EFTUD2: variants seen among roughly 807,000 people sequenced by gnomAD.
EFTUD2 encodes the protein 116 kDa U5 small nuclear ribonucleoprotein component.
In EFTUD2, 9 loss-of-function variants were observed where a neutral mutation model predicts 114.3. The observed-to-expected ratio is 0.08, with a 90% CI of 0.05 to 0.14. The LOEUF (loss-of-function observed/expected upper bound fraction) is 0.14, where lower values mean the gene tolerates loss of function less well. Ranked by LOEUF, EFTUD2 falls within the 10% of genes least tolerant of loss-of-function variation. The pLI is 1.00. For missense variants in EFTUD2, 765 were observed against 1,241.2 expected (o/e 0.62, Z 5.76); for synonymous variants, 449 against 462.3 (o/e 0.97, Z 0.37).
At chr17:44,857,939 T>TTTTTTTTTA (rs2050586934) in intron 19 of EFTUD2, among the ~76,000 whole-genome samples, 1 of 149,706 alleles carries the variant, frequency 6.7e-6, no homozygotes. Flanking sequence ...TTTTTTTTTT[T>TTTTTTTTTA]GAGACAGAGT....
rs531216462 is a variant in EFTUD2 at position 44,876,690 on chromosome 17, A to C, written c.703-590T>G. ...ACACGGTGAAACCCTGTCTCGACTAAAAATACAAAAAGATGAGCTGGGCGT... is the reference window on the plus strand; with the variant it reads ...ACACGGTGAAACCCTGTCTCGACTACAAATACAAAAAGATGAGCTGGGCGT... On this transcript the variant is annotated intron_variant, in intron 9 of 27. Coordinates refer to ENST00000426333, the MANE Select transcript of EFTUD2 (RefSeq NM_004247.4). Among the ~76,000 whole-genome samples the C allele has an allele frequency of 1.3e-4, 20 of 151,998 alleles. No individual in the cohort carries two copies. The East Asian group carries it at 3.7e-3, about 28-fold the overall frequency.
At chr17:44,890,994 G>C (rs866217736) in intron 2 of EFTUD2, among the ~76,000 whole-genome samples, 1 of 149,668 alleles carries the variant, frequency 6.7e-6, no homozygotes, top group South Asian at 2.1e-4. Flanking sequence ...CTGGTGACAG[G>C]TAACCTTGGT....
At chr17:44,871,803 G>A (rs1047921253) in intron 11 of EFTUD2, among the ~76,000 whole-genome samples, 6 of 152,140 alleles carry the variant, frequency 3.9e-5, no homozygotes, top group Non-Finnish European at 7.3e-5. Context: ...CTCTAAGAAC[G>A]GGGTAACAGT....
intron 4 of EFTUD2, chr17:44,883,952 T>C (rs775911717): frequency 3.0e-5 from 16 of 531,550 alleles, no homozygotes; most frequent in Non-Finnish European, 4.4e-5. Context: ...GGGATTTCAA[T>C]AGTAAAACAG....
chr17:44,859,393 G>A (rs974200353), intron 18 of EFTUD2: 8 of 591,902 alleles, frequency 1.4e-5, no homozygotes, highest in African/African-American at 1.9e-5. Context: ...GTGATACTAG[G>A]TGTGAAGTCA....
intron 6 of EFTUD2, among the ~76,000 whole-genome samples, chr17:44,882,080 G>C (rs1450389980): frequency 6.6e-6 from 1 of 152,076 alleles, no homozygotes; most frequent in African/African-American, 2.4e-5. Context: ...GATTGCAGAC[G>C]TGCGCCACCA....
chr17:44,867,424 C>T (rs1478746136), intron 13 of EFTUD2, among the ~76,000 whole-genome samples: 8 of 151,586 alleles, frequency 5.3e-5, no homozygotes, highest in Non-Finnish European at 8.8e-5. Flanking sequence ...CTTAGCCTCC[C>T]GAGTAGCTGG....
chr17:44,852,269 T>C, intron 26 of EFTUD2, 140 bp downstream of exon 26: 1 of 1,061,436 alleles, frequency 9.4e-7, no homozygotes, highest in South Asian at 1.8e-5. Context: ...CAAGTTGCCC[T>C]GAATATATGC....
chr17:44,882,088 C>G (rs904128815), intron 6 of EFTUD2, among the ~76,000 whole-genome samples: 6 of 152,174 alleles, frequency 3.9e-5, no homozygotes, highest in African/African-American at 1.2e-4. Context: ...ACGTGCGCCA[C>G]CATGCTCAGC....
chr17:44,895,495 CAAAAAAA>C (rs34990843), intron 1 of EFTUD2, among the ~76,000 whole-genome samples: 1 of 88,122 alleles, frequency 1.1e-5, no homozygotes, highest in South Asian at 3.8e-4. Context: ...GACTCCATCT[CAAAAAAA>C]AAAAAAAAAA....
At chr17:44,883,452 G>T in intron 5 of EFTUD2, 197 bp downstream of exon 5, 1 of 622,920 alleles carries the variant, frequency 1.6e-6, no homozygotes, top group Non-Finnish European at 2.8e-6. Flanking sequence ...CATGCAAGTG[G>T]CTTAGGAACA....
chr17:44,865,671 G>A (rs1462815221), intron 13 of EFTUD2, among the ~76,000 whole-genome samples: 2 of 152,072 alleles, frequency 1.3e-5, no homozygotes, highest in African/African-American at 2.4e-5. Context: ...CACACATTTT[G>A]TGTATGTGTG....
intron 9 of EFTUD2, 139 bp downstream of exon 9, chr17:44,879,416 AT>A: frequency 1.2e-6 from 1 of 818,410 alleles, no homozygotes; most frequent in Non-Finnish European, 2.0e-6. Context: ...TGCTGCTTTA[AT>A]TTTAGAGCAA....
chr17:44,884,952 G>A (rs1256485795), intron 4 of EFTUD2, among the ~76,000 whole-genome samples: 1 of 152,162 alleles, frequency 6.6e-6, no homozygotes, highest in East Asian at 1.9e-4. Flanking sequence ...CAGTCTTATT[G>A]AGTCCAAACA....
At chr17:44,858,047 G>A (rs528458100) in intron 19 of EFTUD2, among the ~76,000 whole-genome samples, 32 of 149,652 alleles carry the variant, frequency 2.1e-4, no homozygotes, top group African/African-American at 7.2e-4. Context: ...TCAGCCTCCT[G>A]AGTAGCTGGG....
At chr17:44,878,087 G>C (rs917858949) in intron 9 of EFTUD2, among the ~76,000 whole-genome samples, 2 of 152,058 alleles carry the variant, frequency 1.3e-5, no homozygotes, top group African/African-American at 4.8e-5. Flanking sequence ...AGTAAACTGA[G>C]ATCGCACCAC....
At chr17:44,889,769 A>G (rs113469024) in intron 2 of EFTUD2, among the ~76,000 whole-genome samples, 137 of 152,278 alleles carry the variant, frequency 9.0e-4, no homozygotes, top group African/African-American at 2.9e-3. Context: ...AAGTGGCCTA[A>G]GATTACATTA....
At chr17:44,898,696 A>C (rs1448642946) in intron 1 of EFTUD2, among the ~76,000 whole-genome samples, 1 of 152,116 alleles carries the variant, frequency 6.6e-6, no homozygotes, top group Non-Finnish European at 1.5e-5. Flanking sequence ...TGTCACTCTA[A>C]AAAGTCCCCC....
At chr17:44,852,981 C>T (rs984809680) in intron 25 of EFTUD2, among the ~76,000 whole-genome samples, 2 of 151,270 alleles carry the variant, frequency 1.3e-5, no homozygotes, top group East Asian at 1.9e-4. Context: ...CCTGGGTTCA[C>T]GCCATTCTCC....
Sources: gnomAD v4.1 joint callset for allele counts (sites outside exome capture counted in the v4.1 genomes callset) on GRCh38, gnomAD v4.1.1 for gene constraint, MANE v1.5 for transcripts, NCBI Gene and HGNC (gene_info 2026-07-23, HGNC 2026-07-21) for gene names.